The following IGHMBP2 variants were observed in gnomAD, a reference collection of about 807,000 sequenced individuals.
The protein encoded by IGHMBP2 is DNA-binding protein SMUBP-2.
In IGHMBP2, 81 loss-of-function variants were observed where a neutral mutation model predicts 96.0. The ratio of observed to expected loss-of-function variants is 0.84; its 90% CI spans 0.71 to 1.01. The LOEUF is 1.01. Among genes scored for constraint, IGHMBP2 ranks in the 50% least tolerant of loss-of-function variants. The pLI is 0.00. For synonymous variants in IGHMBP2, 557 were observed against 548.9 expected, an observed-to-expected ratio of 1.01 and a Z score of -0.21; for missense variants, 1,227 against 1,306.3, an observed-to-expected ratio of 0.94 and a Z score of 0.94.
chr11:68,923,953 C>T (rs949311751), intron 7 of IGHMBP2, among the ~76,000 whole-genome samples: 2 of 152,108 alleles, frequency 1.3e-5, no homozygotes, highest in Admixed American at 1.3e-4. Flanking sequence ...ACTCAGGGAG[C>T]CTTCTAGGTT....
At position 68,929,233 on chromosome 11, in the gene IGHMBP2, G is replaced by C; in HGVS notation, c.1111G>C (p.Val371Leu). 6.2e-7 allele frequency: 1 copy of C among 1,613,830 alleles called. No individual in the cohort carries two copies. Among genetic ancestry groups the C allele is most frequent in the East Asian group, 2.2e-5 (1 of 44,876 alleles). The change falls in exon 8 of 15, where the codon GTG becomes CTG. Residue 371 changes from valine to leucine, a missense_variant. Physicochemically the swap from Val to Leu is conservative, Grantham distance 32 (BLOSUM62 1). Coordinates refer to ENST00000255078, the MANE Select transcript of IGHMBP2 (RefSeq NM_002180.3). ...GTTGCTGCCCGAGAGCTACTTCGAC[G>C]TGGTGGTCATTGACGAGTGTGCCCA... is the stretch of plus-strand genomic sequence containing the variant. ...LKLLPESYFDVVVIDECAQAL... is the reference protein window; with the variant it reads ...LKLLPESYFDLVVIDECAQAL...
intron 2 of IGHMBP2, among the ~76,000 whole-genome samples, chr11:68,907,828 C>T (rs931268252): frequency 2.6e-5 from 4 of 151,714 alleles, no homozygotes; most frequent in Admixed American, 2.0e-4. Context: ...TAGCTGGGAC[C>T]ACAGGTGCCC....
intron 1 of IGHMBP2, among the ~76,000 whole-genome samples, chr11:68,904,524 C>G (rs1858097880): frequency 6.6e-6 from 1 of 151,996 alleles, no homozygotes. Context: ...GGGGAAAGAG[C>G]CTGGAGGAGG....
chr11:68,907,545 G>T (rs1368781120), intron 2 of IGHMBP2, among the ~76,000 whole-genome samples: 1 of 152,220 alleles, frequency 6.6e-6, no homozygotes, highest in East Asian at 1.9e-4. Context: ...TACTATGGAA[G>T]TGTCTCTGCC....
intron 7 of IGHMBP2, among the ~76,000 whole-genome samples, chr11:68,926,745 C>T (rs961800305): frequency 1.3e-5 from 2 of 152,178 alleles, no homozygotes; most frequent in East Asian, 3.9e-4. Context: ...TGGGCTTTCT[C>T]TAGTATCCAG....
chr11:68,929,993 C>T, intron 8 of IGHMBP2: 3 of 1,009,938 alleles, frequency 3.0e-6, no homozygotes, highest in Non-Finnish European at 3.6e-6. Flanking sequence ...TCTCACCTCT[C>T]CCCATACTAC....
At position 68,940,396 on chromosome 11, in the gene IGHMBP2, C is replaced by T. The variant is rs9769; in HGVS notation, c.*665C>T. The T allele has an allele frequency of 0.14, 21,448 of 152,182 alleles. 2,058 individuals are homozygous for T. The highest frequency in any genetic ancestry group is 0.21 in the Non-Finnish European group (14,393 of 68,092). 9.4% of individuals were successfully genotyped at this position (152,182 alleles called of 1,614,324 possible). ...GCCTCACCGTGGGGACCAGGTGAGC[C>T]GGCTCTCCCACGTGGTTGTCCCGGG... On this transcript the variant is annotated 3_prime_UTR_variant, in exon 15 of 15. Coordinates refer to ENST00000255078, the MANE Select transcript of IGHMBP2 (RefSeq NM_002180.3).
chr11:68,939,434 G>C, intron 14 of IGHMBP2, 100 bp from the exon 15 acceptor site: 1 of 1,283,476 alleles, frequency 7.8e-7, no homozygotes, highest in South Asian at 1.2e-5. Context: ...GGCCTTCTCT[G>C]TTGGGGCGCC....
rs779651466 is a variant in IGHMBP2 at position 68,936,618 on chromosome 11, A to T, written c.2138A>T (p.Asn713Ile). 6.2e-7 allele frequency: 1 copy of T among 1,613,732 alleles called. No individual in the cohort carries two copies. The highest frequency in any genetic ancestry group is 2.2e-5 in the East Asian group (1 of 44,866). Residue 713 changes from asparagine to isoleucine, a missense_variant, in exon 13 of 15, where the codon AAC (asparagine) becomes ATC (isoleucine). Around this residue, in one of 3 missense-constraint regions of IGHMBP2, gnomAD observed 703 missense variants for 770.3 expected, o/e 0.91. Coordinates refer to ENST00000255078, the MANE Select transcript of IGHMBP2 (RefSeq NM_002180.3). ...GAAGCTCCATCTCAGCCCAGCCTCA[A>T]CGGAGGCAGCCCAGAGGGAGTGGAG... is the stretch of plus-strand genomic sequence containing the variant. ...ASEAPSQPSL[N>I]GGSPEGVESQ...
intron 6 of IGHMBP2, 105 bp downstream of exon 6, chr11:68,915,128 C>T: frequency 5.3e-6 from 3 of 562,676 alleles, no homozygotes; most frequent in South Asian, 2.4e-5. Flanking sequence ...TCTCTTGCTT[C>T]TGTCGATTCC....
chr11:68,933,902 A>T lies in IGHMBP2; in HGVS notation c.1526A>T (p.Lys509Ile). The T allele has an allele frequency of 8.2e-6, 13 of 1,592,506 alleles. No homozygotes were observed. Among genetic ancestry groups the T allele is most frequent in the Non-Finnish European group, 1.0e-5 (12 of 1,168,018 alleles). ...FELEEEDEQS[K>I]GNPGEVRLVS... ...CTGGAGGAGGAGGACGAACAGTCGA[A>T]AGGGAACCCTGGTGAGCTTGCTTGC... The change falls in exon 10 of 15, where the codon AAA (lysine) becomes ATA (isoleucine). Residue 509 changes from lysine (K) to isoleucine (I), a missense_variant. This residue lies in a region of IGHMBP2 where 703 missense variants were observed against 770.3 expected (regional missense o/e 0.91). Transcript: ENST00000255078.
intron 10 of IGHMBP2, 35 bp downstream of exon 10, chr11:68,933,948 T>A: frequency 1.5e-6 from 2 of 1,334,352 alleles, no homozygotes; most frequent in Non-Finnish European, 2.1e-6. Context: ...CTTTTTTGTT[T>A]AAACATACCT....
Position 68,937,342 on chromosome 11 carries a change from C to T in IGHMBP2, c.2611+251C>T, listed in dbSNP as rs573316534. Among the ~76,000 whole-genome samples, 20 of 152,250 alleles carry T rather than the reference C, an allele frequency of 1.3e-4. No individual in the cohort carries two copies. In the East Asian group the frequency reaches 3.9e-3, roughly 29 times the overall value. ...CTCGGCAAGTAGGCAGCACTCAGAG[C>T]ATGTCTGCAGCAGCAGGAGGGGCCT... On this transcript the variant is annotated intron_variant, in intron 13 of 14. Transcript: ENST00000255078.
At chr11:68,913,301 A>G (rs1026961664) in intron 5 of IGHMBP2, among the ~76,000 whole-genome samples, 3 of 152,120 alleles carry the variant, frequency 2.0e-5, no homozygotes, top group Admixed American at 6.5e-5. Context: ...CCGACTATTC[A>G]CTAAAAGTGA....
At position 68,908,157 on chromosome 11, in the gene IGHMBP2, G is replaced by A. The variant is rs1858276122; in HGVS notation, c.269G>A (p.Gly90Asp). The A allele has an allele frequency of 1.2e-6, 2 of 1,613,780 alleles. No individual in the cohort carries two copies. Among genetic ancestry groups the A allele is most frequent in the Non-Finnish European group, 1.7e-6 (2 of 1,179,948 alleles). ...SNSFTSGDIV[G>D]LYDAANEGSQ... ...TTTGTTTTTGCAGGTGATATCGTGG[G>A]CCTGTACGATGCTGCTAATGAGGGC... Residue 90 changes from glycine (G) to aspartate (D), a missense_variant, in exon 3 of 15, where the codon GGC becomes GAC. This residue lies in a region of IGHMBP2 where 507 missense variants were observed against 496.9 expected (regional missense o/e 1.02). Transcript: ENST00000255078.
intron 2 of IGHMBP2, among the ~76,000 whole-genome samples, chr11:68,906,640 C>CTTTTTTTTTTTT (rs60710565): frequency 1.7e-5 from 2 of 117,586 alleles, no homozygotes; most frequent in Non-Finnish European, 3.4e-5. Flanking sequence ...CATTTCTTTT[C>CTTTTTTTTTTTT]TTTTTTTTTT....
At chr11:68,933,014 C>A (rs986066316) in intron 8 of IGHMBP2, 10 of 529,480 alleles carry the variant, frequency 1.9e-5, no homozygotes, top group Non-Finnish European at 3.4e-5. Flanking sequence ...CTTGGGTTAT[C>A]ACCTGGGTCA....
chr11:68,929,982 CT>C lies in IGHMBP2; in HGVS notation c.1235+626del, dbSNP rs559263104. The C allele has an allele frequency of 1.3e-5, 13 of 1,036,942 alleles. No individual in the cohort carries two copies. In the African/African-American group the frequency reaches 1.7e-4, roughly 14 times the overall value. The allele number at this position is 1,036,942 out of a possible 1,614,324, so 64.2% of individuals were successfully genotyped here. On this transcript the variant is annotated intron_variant, in intron 8 of 14. Coordinates refer to ENST00000255078, the MANE Select transcript of IGHMBP2 (RefSeq NM_002180.3). ...AGTGCTGCCCGCCCCCCCAGCCCCC[CT>C]CTCACCTCTCCCCATACTACCCAGC... is the stretch of plus-strand genomic sequence containing the variant.
At position 68,936,108 on chromosome 11, in the gene IGHMBP2, C is replaced by T. The variant is rs899681668; in HGVS notation, c.1757-129C>T. The stretch of plus-strand genomic sequence containing the variant: ...CATCACGGTGCCACGCGTGGCCGGG[C>T]ACCCGTGTGGATGGTGGGCCACGCG... On this transcript the variant is annotated intron_variant, in intron 12 of 14. Coordinates refer to ENST00000255078, the MANE Select transcript of IGHMBP2 (RefSeq NM_002180.3). 10 of 1,049,680 alleles carry T rather than the reference C, an allele frequency of 9.5e-6. No homozygotes were observed. The Admixed American group carries it at 1.6e-4, about 16-fold the overall frequency. The allele number at this position is 1,049,680 out of a possible 1,614,324, so 65.0% of individuals were successfully genotyped here.
Sources: gnomAD v4.1 joint callset for allele counts (sites outside exome capture counted in the v4.1 genomes callset) on GRCh38, gnomAD v4.1.1 for gene constraint, gnomAD v4.1.1 regional missense constraint, MANE v1.5 for transcripts, NCBI Gene and HGNC (gene_info 2026-07-23, HGNC 2026-07-21) for gene names.